The following IMMP2L variants were observed in gnomAD, a reference collection of about 807,000 sequenced individuals.
The protein encoded by IMMP2L is inner mitochondrial membrane peptidase subunit 2.
In IMMP2L, 18 loss-of-function variants were observed where a neutral mutation model predicts 19.3. The observed-to-expected ratio is 0.93, with a 90% CI of 0.64 to 1.38. The LOEUF is 1.38. Ranked by LOEUF, IMMP2L falls within the 40% of genes most tolerant of loss-of-function variation. IMMP2L has a pLI of 0.00. For missense variants in IMMP2L, 233 were observed against 218.2 expected, an observed-to-expected ratio of 1.07 and a Z score of -0.43; for synonymous variants, 76 against 73.0, an observed-to-expected ratio of 1.04 and a Z score of -0.21.
chr7:111,234,554 C>T (rs192162625), intron 3 of IMMP2L, among the ~76,000 whole-genome samples: 6 of 152,054 alleles, frequency 3.9e-5, no homozygotes, highest in East Asian at 1.9e-4. Context: ...TCTTTTTTCC[C>T]TGGATATATA....
chr7:111,290,091 T>G (rs1206577443), intron 3 of IMMP2L, among the ~76,000 whole-genome samples: 1 of 152,192 alleles, frequency 6.6e-6, no homozygotes, highest in Non-Finnish European at 1.5e-5. Context: ...AGTCTGCCAC[T>G]GCACATAGAA....
chr7:111,083,673 G>A (rs1309601293), intron 3 of IMMP2L, among the ~76,000 whole-genome samples: 2 of 152,140 alleles, frequency 1.3e-5, no homozygotes, highest in Non-Finnish European at 2.9e-5. Flanking sequence ...TGTGAAAAGG[G>A]GAAAGTCCCT....
At chr7:111,048,255 A>AAG (rs1792630762) in intron 3 of IMMP2L, among the ~76,000 whole-genome samples, 2 of 21,978 alleles carry the variant, frequency 9.1e-5, no homozygotes, top group Non-Finnish European at 1.2e-3. Flanking sequence ...AAAAAAAAAA[A>AAG]AAAAAAAAAA....
At chr7:111,209,174 G>A (rs547494157) in intron 3 of IMMP2L, among the ~76,000 whole-genome samples, 8 of 152,138 alleles carry the variant, frequency 5.3e-5, no homozygotes, top group Admixed American at 2.0e-4. Flanking sequence ...GGTGGATCAC[G>A]ATCACGAGGT....
intron 3 of IMMP2L, among the ~76,000 whole-genome samples, chr7:111,352,129 C>T (rs753078480): frequency 1.1e-4 from 16 of 152,042 alleles, no homozygotes; most frequent in Non-Finnish European, 1.8e-4. Flanking sequence ...AGTCAATTAG[C>T]CAGATGTTTG....
At chr7:111,113,414 G>C (rs1780471134) in intron 3 of IMMP2L, among the ~76,000 whole-genome samples, 1 of 151,586 alleles carries the variant, frequency 6.6e-6, no homozygotes, top group African/African-American at 2.4e-5. Context: ...TGTCTATCAT[G>C]TCCTCCCATG....
chr7:111,178,183 T>C (rs941024432), intron 3 of IMMP2L, among the ~76,000 whole-genome samples: 5 of 152,058 alleles, frequency 3.3e-5, no homozygotes, highest in African/African-American at 1.2e-4. Context: ...AAGCAAGTCA[T>C]ATAAATTTTT....
intron 3 of IMMP2L, among the ~76,000 whole-genome samples, chr7:111,197,428 G>GCA (rs1809629144): frequency 2.0e-5 from 3 of 152,032 alleles, no homozygotes; most frequent in African/African-American, 7.2e-5. Context: ...ACGCCACGGT[G>GCA]CTCCAGCCTG....
At chr7:111,312,013 C>G (rs1823576551) in intron 3 of IMMP2L, among the ~76,000 whole-genome samples, 1 of 152,120 alleles carries the variant, frequency 6.6e-6, no homozygotes, top group African/African-American at 2.4e-5. Flanking sequence ...CACTGATGTT[C>G]CCTTCACCAA....
At chr7:111,364,631 T>C (rs1829589342) in intron 3 of IMMP2L, among the ~76,000 whole-genome samples, 1 of 142,410 alleles carries the variant, frequency 7.0e-6, no homozygotes, top group African/African-American at 2.6e-5. Context: ...TGAGACTCGG[T>C]CTCAAAAAAA....
rs570629775 is a variant in IMMP2L at position 111,005,711 on chromosome 7, C to G, written c.240-42146G>C. On this transcript the variant is annotated intron_variant, in intron 3 of 5. Transcript: ENST00000405709. ...ATAATTGAACAGTTACTGAAAGAAT[C>G]TGATTCCTTTTATGAGGTTTTGATT... Among the ~76,000 whole-genome samples the G allele has an allele frequency of 2.0e-5, 3 of 152,270 alleles. No homozygotes were observed. In the South Asian group the frequency reaches 6.2e-4, roughly 32 times the overall value.
intron 5 of IMMP2L, among the ~76,000 whole-genome samples, chr7:110,675,176 A>G (rs1181702029): frequency 1.3e-5 from 2 of 152,190 alleles, no homozygotes; most frequent in Non-Finnish European, 2.9e-5. Flanking sequence ...CTTAGAATGT[A>G]TAAGGCTAGT....
At chr7:110,861,649 A>C (rs114620575) in intron 5 of IMMP2L, among the ~76,000 whole-genome samples, 1,520 of 151,924 alleles carry the variant, frequency 0.01, 38 homozygotes, top group African/African-American at 0.035. Context: ...TCCAGATGAC[A>C]GTTTTCTCAC....
At chr7:111,155,677 T>TATAC (rs1804563241) in intron 3 of IMMP2L, among the ~76,000 whole-genome samples, 1 of 152,088 alleles carries the variant, frequency 6.6e-6, no homozygotes, top group South Asian at 2.1e-4. Flanking sequence ...CAATTATATA[T>TATAC]ATATATATAC....
At chr7:110,882,526 A>G (rs1416995736) in intron 5 of IMMP2L, among the ~76,000 whole-genome samples, 5 of 151,960 alleles carry the variant, frequency 3.3e-5, no homozygotes, top group Non-Finnish European at 7.4e-5. Flanking sequence ...GATTACAGGC[A>G]TGTGCCACCA....
At chr7:110,752,019 G>T (rs1008954136) in intron 5 of IMMP2L, among the ~76,000 whole-genome samples, 1 of 151,866 alleles carries the variant, frequency 6.6e-6, no homozygotes, top group Non-Finnish European at 1.5e-5. Flanking sequence ...ATTATCTCTA[G>T]GATTAGCACC....
intron 3 of IMMP2L, among the ~76,000 whole-genome samples, chr7:111,003,379 T>A (rs1477086655): frequency 1.3e-5 from 2 of 152,168 alleles, no homozygotes; most frequent in East Asian, 1.9e-4. Context: ...AATCAAAATA[T>A]CATCAAAATA....
chr7:111,434,712 C>G (rs1395279508), intron 3 of IMMP2L, among the ~76,000 whole-genome samples: 1 of 151,602 alleles, frequency 6.6e-6, no homozygotes, highest in Non-Finnish European at 1.5e-5. Context: ...TTCCACCATG[C>G]CCAGCTAATT....
intron 4 of IMMP2L, among the ~76,000 whole-genome samples, chr7:110,930,317 A>T (rs534347610): frequency 7.3e-6 from 1 of 137,924 alleles, no homozygotes; most frequent in Non-Finnish European, 1.6e-5. Flanking sequence ...TTTCATTAAC[A>T]TGTTTTTTTT....
Sources: gnomAD v4.1 joint callset for allele counts (sites outside exome capture counted in the v4.1 genomes callset) on GRCh38, gnomAD v4.1.1 for gene constraint, MANE v1.5 for transcripts, NCBI Gene and HGNC (gene_info 2026-07-23, HGNC 2026-07-21) for gene names.